Variants in IHO1 observed in about 807,000 individuals in gnomAD.
The protein encoded by IHO1 is interactor of HORMAD1 1.
In IHO1, 13 loss-of-function variants were observed where a neutral mutation model predicts 31.0. That is an observed-to-expected ratio of 0.42 (90% confidence interval 0.27 to 0.67). The LOEUF is 0.67. Among genes scored for constraint, IHO1 ranks in the 30% least tolerant of loss-of-function variants. The pLI is 0.24. For synonymous variants in IHO1, 221 were observed against 248.4 expected (o/e 0.89, Z 1.04); for missense variants, 599 against 687.5 (o/e 0.87, Z 1.44).
In IHO1 at chr3:49,246,066, C is replaced by T. The variant is rs1337289286; in HGVS notation, c.532+1333C>T. Among the ~76,000 whole-genome samples the T allele has an allele frequency of 2.0e-5, 3 of 151,458 alleles. No homozygotes were observed. In the Admixed American group the frequency reaches 2.0e-4, roughly 10 times the overall value. ...GTGTGGTGGTGGGCGCCTGTAGTCC[C>T]AGCTACTCGGGAGGCTGAGGCAGAA... is the stretch of plus-strand genomic sequence containing the variant. On this transcript the variant is annotated intron_variant, in intron 6 of 7. Coordinates refer to ENST00000452691, the MANE Select transcript of IHO1 (RefSeq NM_001135197.2).
At chr3:49,235,465 T>G (rs2046547462) in intron 2 of IHO1, among the ~76,000 whole-genome samples, 1 of 150,670 alleles carries the variant, frequency 6.6e-6, no homozygotes, top group African/African-American at 2.4e-5. Flanking sequence ...CCTGACCTCA[T>G]GATCCACCCT....
chr3:49,192,075 C>T, the IHO1 span, among the ~76,000 whole-genome samples: 2 of 152,176 alleles, frequency 1.3e-5, no homozygotes, highest in Admixed American at 6.5e-5. Flanking sequence ...ATGAAATATT[C>T]AAAGAACATT....
At position 49,230,292 on chromosome 3, in the gene IHO1, C is replaced by T. The variant is rs368532460; in HGVS notation, c.57-6256C>T. Reference sequence around the variant, plus strand: ...ATGTTAACTGATTAATTCAGTTACACGACCTATGGGGACATTACAGCCAGG... The same window carrying T: ...ATGTTAACTGATTAATTCAGTTACATGACCTATGGGGACATTACAGCCAGG... On this transcript the variant is annotated intron_variant, in intron 2 of 7. Transcript: ENST00000452691. Among the ~76,000 whole-genome samples the T allele has an allele frequency of 7.2e-5, 11 of 152,270 alleles. No individual in the cohort carries two copies. The East Asian group carries it at 7.7e-4, about 11-fold the overall frequency.
chr3:49,215,820 G>A (rs2046280348), intron 2 of IHO1, among the ~76,000 whole-genome samples: 1 of 152,162 alleles, frequency 6.6e-6, no homozygotes, highest in Non-Finnish European at 1.5e-5. Context: ...TTTTTTGAGA[G>A]GCCTGAAGGT....
At chr3:49,202,899 A>C (rs1356858373) in intron 1 of IHO1, among the ~76,000 whole-genome samples, 1 of 119,444 alleles carries the variant, frequency 8.4e-6, no homozygotes, top group African/African-American at 3.3e-5. Flanking sequence ...TCTGTCGCCC[A>C]GGCCGGACTG....
At chr3:49,248,994 C>T (rs948508395) in intron 6 of IHO1, among the ~76,000 whole-genome samples, 1 of 152,178 alleles carries the variant, frequency 6.6e-6, no homozygotes, top group African/African-American at 2.4e-5. Flanking sequence ...CTCATGTGCT[C>T]ATCAGGGAAT....
intron 2 of IHO1, among the ~76,000 whole-genome samples, chr3:49,223,135 G>T (rs1428198819): frequency 2.0e-5 from 3 of 152,148 alleles, no homozygotes; most frequent in Non-Finnish European, 4.4e-5. Context: ...CAAGTAGGAG[G>T]TCATTTGTGA....
chr3:49,223,932 C>T (rs2107702891), intron 2 of IHO1, among the ~76,000 whole-genome samples: 1 of 152,194 alleles, frequency 6.6e-6, no homozygotes, highest in South Asian at 2.1e-4. Flanking sequence ...ATTCTTTGTT[C>T]CCCCAAAGGG....
chr3:49,208,634 C>T (rs955129966), intron 1 of IHO1, among the ~76,000 whole-genome samples: 1 of 152,204 alleles, frequency 6.6e-6, no homozygotes, highest in Admixed American at 6.5e-5. Flanking sequence ...GTTTGCTTTC[C>T]ATCCTGAGAA....
intron 1 of IHO1, among the ~76,000 whole-genome samples, chr3:49,209,149 T>C (rs1313185693): frequency 3.3e-5 from 5 of 152,336 alleles, no homozygotes; most frequent in Admixed American, 3.3e-4. Context: ...ACCACACATA[T>C]ATTGAATCTC....
intron 6 of IHO1, among the ~76,000 whole-genome samples, chr3:49,253,608 G>C (rs1418254332): frequency 2.0e-5 from 3 of 151,868 alleles, no homozygotes; most frequent in African/African-American, 7.3e-5. Flanking sequence ...TTCTTCTGTT[G>C]GTAATATTCT....
rs1012177346 is a variant in IHO1, at chr3:49,240,263, G to A, written c.232-963G>A. ...TTTGAGACGGAGTTTCACTCTTGTC[G>A]CCCAGGCTGGAATGCAGTGGTGCAA... is the stretch of plus-strand genomic sequence containing the variant. On this transcript the variant is annotated intron_variant, in intron 3 of 7. Transcript: ENST00000452691. Among the ~76,000 whole-genome samples the A allele has an allele frequency of 2.0e-5, 3 of 151,766 alleles. No homozygotes were observed. In the South Asian group the frequency reaches 6.2e-4, roughly 32 times the overall value.
chr3:49,238,458 G>C (rs1017671782), intron 3 of IHO1, among the ~76,000 whole-genome samples: 5 of 152,158 alleles, frequency 3.3e-5, no homozygotes, highest in Non-Finnish European at 7.3e-5. Context: ...AAAAGGCTGA[G>C]ACCTGAACAG....
At chr3:49,231,168 G>A (rs1242925464) in intron 2 of IHO1, among the ~76,000 whole-genome samples, 1 of 152,116 alleles carries the variant, frequency 6.6e-6, no homozygotes, top group East Asian at 1.9e-4. Flanking sequence ...GGGAGAACTT[G>A]GATTGTTAAA....
At chr3:49,211,124 C>T (rs948236949) in intron 1 of IHO1, among the ~76,000 whole-genome samples, 2 of 151,780 alleles carry the variant, frequency 1.3e-5, no homozygotes, top group Non-Finnish European at 2.9e-5. Context: ...TCTCCTGCCC[C>T]GGCCTCCTGA....
chr3:49,226,093 G>A (rs939393609), intron 2 of IHO1, among the ~76,000 whole-genome samples: 38 of 152,136 alleles, frequency 2.5e-4, no homozygotes, highest in Admixed American at 2.5e-3. Flanking sequence ...AACCACACTG[G>A]TAACAAGCCC....
Position 49,257,358 on chromosome 3 carries a change from G to A in IHO1, c.*76G>A. 6.9e-7 allele frequency: 1 copy of A among 1,442,526 alleles called. No individual in the cohort carries two copies. Among genetic ancestry groups the A allele is most frequent in the South Asian group, 1.3e-5 (1 of 76,670 alleles). The allele number at this position is 1,442,526 out of a possible 1,614,324, so 89.4% of individuals were successfully genotyped here. ...CATTTGGGCTGGCCAACAGCAGAAA[G>A]TCCCTGAAGCCTGCCAAGTACCCAG... On this transcript the variant is annotated 3_prime_UTR_variant, in exon 8 of 8. Transcript: ENST00000452691.
intron 2 of IHO1, among the ~76,000 whole-genome samples, chr3:49,228,695 A>G (rs891971341): frequency 6.6e-6 from 1 of 152,096 alleles, no homozygotes; most frequent in African/African-American, 2.4e-5. Context: ...TCTTCCTTCC[A>G]GTGGGTTTGT....
At chr3:49,232,006 C>T (rs2046489502) in intron 2 of IHO1, among the ~76,000 whole-genome samples, 1 of 152,180 alleles carries the variant, frequency 6.6e-6, no homozygotes, top group South Asian at 2.1e-4. Context: ...TACATGTATG[C>T]GTGGACACCT....
Sources: allele counts gnomAD v4.1 joint callset (sites outside exome capture counted in the v4.1 genomes callset), GRCh38; gene constraint gnomAD v4.1.1; transcripts MANE v1.5; gene names NCBI Gene and HGNC (gene_info 2026-07-23, HGNC 2026-07-21).